The following CDH13 variants were observed in gnomAD, a reference collection of about 807,000 sequenced individuals.
CDH13 encodes the protein cadherin 13.
CDH13 carries 24 observed loss-of-function variants against 63.8 expected under a neutral mutation model. The observed-to-expected ratio is 0.38, with a 90% CI of 0.27 to 0.53. The LOEUF is 0.53. Among genes scored for constraint, CDH13 ranks in the 20% least tolerant of loss-of-function variants. CDH13 has a pLI of 0.85. For missense variants in CDH13, 1,049 were observed against 903.1 expected (o/e 1.16, Z -2.07); for synonymous variants, 503 against 355.3 (o/e 1.42, Z -4.67).
intron 1 of CDH13, among the ~76,000 whole-genome samples, chr16:82,632,234 G>A (rs1451055285): frequency 6.6e-6 from 1 of 152,086 alleles, no homozygotes. Context: ...TTGCCCCTAG[G>A]GCTTTTTGAG....
chr16:83,134,544 GGA>G (rs67135267), intron 4 of CDH13, among the ~76,000 whole-genome samples: 3,815 of 84,050 alleles, frequency 0.045, 100 homozygotes, highest in East Asian at 0.089. Flanking sequence ...TGGGGTGGGG[GGA>G]GAGAGAGAGA....
At chr16:83,225,248 A>C (rs1360964084) in intron 5 of CDH13, among the ~76,000 whole-genome samples, 3 of 152,184 alleles carry the variant, frequency 2.0e-5, no homozygotes, top group African/African-American at 4.8e-5. Context: ...GGCCTTGATG[A>C]AGATGACCTT....
chr16:83,107,561 A>G (rs1035929164), intron 3 of CDH13, among the ~76,000 whole-genome samples: 2 of 152,152 alleles, frequency 1.3e-5, no homozygotes, highest in African/African-American at 4.8e-5. Context: ...GGAGGGTTTC[A>G]TCTGAAAAAT....
intron 1 of CDH13, among the ~76,000 whole-genome samples, chr16:82,852,147 T>A (rs763297557): frequency 1.4e-3 from 219 of 152,324 alleles, no homozygotes; most frequent in Non-Finnish European, 2.8e-3. Flanking sequence ...AGTTTCTCTC[T>A]TTATTTGTGG....
intron 1 of CDH13, among the ~76,000 whole-genome samples, chr16:82,700,578 C>T (rs904378280): frequency 9.9e-5 from 15 of 151,626 alleles, no homozygotes; most frequent in African/African-American, 3.6e-4. Context: ...AATGTCCATC[C>T]CCAGGGATTA....
chr16:83,406,465 C>G (rs943534381), intron 6 of CDH13, among the ~76,000 whole-genome samples: 3 of 147,730 alleles, frequency 2.0e-5, no homozygotes, highest in African/African-American at 7.5e-5. Context: ...CTTTTTCTCT[C>G]TCTCTCTTTC....
chr16:83,054,905 C>T (rs953097596), intron 3 of CDH13, among the ~76,000 whole-genome samples: 8 of 152,052 alleles, frequency 5.3e-5, no homozygotes, highest in Non-Finnish European at 1.0e-4. Context: ...CTGCAGTGTT[C>T]ACGTGGAATA....
chr16:82,649,982 T>C (rs1421622103), intron 1 of CDH13, among the ~76,000 whole-genome samples: 4 of 152,106 alleles, frequency 2.6e-5, no homozygotes, highest in Admixed American at 6.5e-5. Flanking sequence ...GGGATCCTGT[T>C]GCCTTAGTCA....
chr16:82,709,419 C>G (rs2031745036), intron 1 of CDH13, among the ~76,000 whole-genome samples: 1 of 152,144 alleles, frequency 6.6e-6, no homozygotes, highest in African/African-American at 2.4e-5. Flanking sequence ...GTGTAGCAGA[C>G]AAATTTAATG....
intron 4 of CDH13, among the ~76,000 whole-genome samples, chr16:83,209,995 G>A (rs1325897713): frequency 6.6e-6 from 1 of 152,104 alleles, no homozygotes; most frequent in African/African-American, 2.4e-5. Context: ...AGCAGGTGGA[G>A]ACCCATCAAA....
At chr16:83,558,801 A>G (rs1396522953) in intron 7 of CDH13, among the ~76,000 whole-genome samples, 1 of 152,220 alleles carries the variant, frequency 6.6e-6, no homozygotes, top group Admixed American at 6.5e-5. Flanking sequence ...CTTCAGGGAA[A>G]GGGTACATCT....
intron 1 of CDH13, among the ~76,000 whole-genome samples, chr16:82,856,147 T>C (rs286681): frequency 0.91 from 138,152 of 151,984 alleles, 63,277 homozygotes; most frequent in Non-Finnish European, 0.97. Flanking sequence ...GAGGCCGAGG[T>C]GGGTGGATCA....
intron 1 of CDH13, among the ~76,000 whole-genome samples, chr16:82,685,162 G>T (rs62036329): frequency 6.6e-6 from 1 of 152,320 alleles, no homozygotes; most frequent in East Asian, 1.9e-4. Context: ...ATCTTAATCT[G>T]TTTGAGCTGC....
intron 8 of CDH13, among the ~76,000 whole-genome samples, chr16:83,622,803 G>C (rs1233548529): frequency 1.3e-5 from 2 of 152,200 alleles, no homozygotes; most frequent in South Asian, 2.1e-4. Context: ...TGATATACTT[G>C]TTCTGAGTTA....
intron 5 of CDH13, among the ~76,000 whole-genome samples, chr16:83,313,322 A>T (rs1039737740): frequency 2.6e-5 from 4 of 152,138 alleles, no homozygotes; most frequent in Non-Finnish European, 4.4e-5. Context: ...GAAATTGTGG[A>T]TTCTGCAAAT....
At chr16:83,298,464 C>G (rs2089655967) in intron 5 of CDH13, among the ~76,000 whole-genome samples, 2 of 152,112 alleles carry the variant, frequency 1.3e-5, no homozygotes, top group South Asian at 4.2e-4. Context: ...TAGGCCCTAC[C>G]TCAAGCCTGC....
chr16:83,486,435 C>T, intron 6 of CDH13, 42 bp from the exon 7 acceptor site: 2 of 1,571,102 alleles, frequency 1.3e-6, no homozygotes, highest in Non-Finnish European at 1.7e-6. Flanking sequence ...CGTTGTTGAC[C>T]CATTGATAAC....
chr16:83,127,004 A>C (rs909788312), intron 4 of CDH13, among the ~76,000 whole-genome samples: 1 of 152,170 alleles, frequency 6.6e-6, no homozygotes, highest in African/African-American at 2.4e-5. Context: ...GATGGCTGTG[A>C]TGGCTGGTTG....
intron 6 of CDH13, among the ~76,000 whole-genome samples, chr16:83,465,625 C>T (rs1431964959): frequency 2.6e-5 from 4 of 152,290 alleles, no homozygotes; most frequent in South Asian, 2.1e-4. Flanking sequence ...ATGCCTGTGT[C>T]GTTCTAGTGT....
Sources: allele counts gnomAD v4.1 joint callset (sites outside exome capture counted in the v4.1 genomes callset), GRCh38; gene constraint gnomAD v4.1.1; transcripts MANE v1.5; gene names NCBI Gene and HGNC (gene_info 2026-07-23, HGNC 2026-07-21).